Variants in AFAP1L2 observed in about 807,000 individuals in gnomAD.
AFAP1L2 encodes the protein actin filament associated protein 1 like 2.
Under a neutral mutation model 99.3 loss-of-function variants are expected in AFAP1L2, and 46 were observed. The ratio of observed to expected loss-of-function variants is 0.46; its 90% confidence interval spans 0.37 to 0.59. AFAP1L2 has a LOEUF of 0.59. Among genes scored for constraint, AFAP1L2 ranks in the 20% least tolerant of loss-of-function variants. AFAP1L2 has a pLI of 0.00. For synonymous variants in AFAP1L2, 397 were observed against 419.1 expected (o/e 0.95, Z 0.64); for missense variants, 959 against 1,034.9 (o/e 0.93, Z 1.01).
rs1363919311 is a variant in AFAP1L2, at chr10:114,295,314, GC to G, written c.*727del. 7 of 985,146 alleles carry G rather than the reference GC, an allele frequency of 7.1e-6. No homozygotes were observed. The African/African-American group carries it at 1.0e-4, about 15-fold the overall frequency. 61.0% of individuals were successfully genotyped at this position (985,146 alleles called of 1,614,324 possible). On this transcript the variant is annotated 3_prime_UTR_variant, in exon 19 of 19. Coordinates refer to ENST00000304129, the MANE Select transcript of AFAP1L2 (RefSeq NM_001001936.3). Reference sequence around the variant, plus strand: ...ACTGTTCTAAATGACAGGATTTTAAGCATTTTTTCCTATATATAATACAGCA... The same window carrying G: ...ACTGTTCTAAATGACAGGATTTTAAGATTTTTTCCTATATATAATACAGCA...
rs34854872 is a variant in AFAP1L2, at chr10:114,368,767, AACACACACACACACACAC to A, written c.17-28054_17-28037del. On this transcript the variant is annotated intron_variant, in intron 1 of 18. Transcript: ENST00000304129. ...AAACATGGATCTTAAGTGTCCTTAC[AACACACACACACACACAC>A]ACACACACACACACACACACACACA... Among the ~76,000 whole-genome samples, 1,106 of 140,740 alleles carry A rather than the reference AACACACACACACACACAC, an allele frequency of 7.9e-3. 10 individuals carry two copies. The highest frequency in any genetic ancestry group is 0.011 in the Non-Finnish European group (707 of 64,868). The allele number at this position is 140,740 out of a possible 152,430, so 92.3% of individuals were successfully genotyped here. A position where few individuals can be genotyped will look rare whatever the true frequency, so the allele number is the denominator to read the frequency against.
intron 5 of AFAP1L2, among the ~76,000 whole-genome samples, chr10:114,317,769 G>C (rs577038659): frequency 1.3e-5 from 2 of 152,318 alleles, no homozygotes; most frequent in South Asian, 4.1e-4. Flanking sequence ...TGAGGTGGGA[G>C]GATGGCTTGA....
chr10:114,296,860 C>T lies in AFAP1L2; in HGVS notation c.2430+118G>A, dbSNP rs189054289. On this transcript the variant is annotated intron_variant, in intron 18 of 18. Coordinates refer to ENST00000304129, the MANE Select transcript of AFAP1L2 (RefSeq NM_001001936.3). The stretch of plus-strand genomic sequence containing the variant: ...GCCATGGCCACTCCTTGGTGAGTGC[C>T]GAGCCCTTGCTCAGAGCTGGTGCCA... The T allele has an allele frequency of 2.4e-4, 368 of 1,549,112 alleles. 5 individuals carry two copies. In the South Asian group the frequency reaches 2.8e-3, roughly 12 times the overall value.
At chr10:114,397,115 A>T (rs530052720) in intron 1 of AFAP1L2, among the ~76,000 whole-genome samples, 1 of 115,674 alleles carries the variant, frequency 8.6e-6, no homozygotes, top group African/African-American at 3.5e-5. Context: ...AGGTTAATTT[A>T]CACACAGAAA....
chr10:114,340,711 C>T lies in AFAP1L2; in HGVS notation c.37G>A (p.Glu13Lys), dbSNP rs201870637. ...RYKALEQLLT[E>K]LDDFLKILDQ... is the part of the protein sequence containing the mutation. Reference sequence around the variant, plus strand: ...AGAATCTTGAGGAAGTCATCCAACTCTGTCAGCAGCTGTTCCAGGGCTAGG... The same window carrying T: ...AGAATCTTGAGGAAGTCATCCAACTTTGTCAGCAGCTGTTCCAGGGCTAGG... The change falls in exon 2 of 19, where the codon GAG (glutamate) becomes AAG (lysine). Residue 13 changes from glutamate to lysine, a missense_variant. Physicochemically the swap from Glu to Lys is moderately conservative, Grantham distance 56. Coordinates refer to ENST00000304129, the MANE Select transcript of AFAP1L2 (RefSeq NM_001001936.3). 1 of 1,614,250 alleles carries T rather than the reference C, an allele frequency of 6.2e-7. No homozygotes were observed. Among genetic ancestry groups the T allele is most frequent in the Admixed American group, 1.7e-5 (1 of 60,034 alleles).
chr10:114,376,860 G>C (rs2054872889), intron 1 of AFAP1L2, among the ~76,000 whole-genome samples: 1 of 152,148 alleles, frequency 6.6e-6, no homozygotes, highest in African/African-American at 2.4e-5. Flanking sequence ...AACAGAATCA[G>C]CTAGAGACTG....
intron 1 of AFAP1L2, among the ~76,000 whole-genome samples, chr10:114,401,294 A>G (rs1002879956): frequency 6.6e-6 from 1 of 152,232 alleles, no homozygotes; most frequent in African/African-American, 2.4e-5. Context: ...ATCCACAGAT[A>G]GTAGGTCAGT....
At chr10:114,357,547 T>C (rs1173734815) in intron 1 of AFAP1L2, among the ~76,000 whole-genome samples, 5 of 152,206 alleles carry the variant, frequency 3.3e-5, no homozygotes, top group African/African-American at 1.2e-4. Flanking sequence ...CCATGTTGGA[T>C]ATGCAATATG....
intron 1 of AFAP1L2, among the ~76,000 whole-genome samples, chr10:114,346,458 G>A (rs1431703835): frequency 3.3e-5 from 5 of 152,188 alleles, no homozygotes; most frequent in Non-Finnish European, 7.3e-5. Flanking sequence ...ACACCCTTTC[G>A]GGATCCAGCC....
chr10:114,335,427 A>G (rs1476754500), intron 2 of AFAP1L2, among the ~76,000 whole-genome samples: 1 of 152,116 alleles, frequency 6.6e-6, no homozygotes. Context: ...CCTGGCTAAC[A>G]TGGTGAAACC....
intron 1 of AFAP1L2, 44 bp downstream of exon 1, chr10:114,404,396 G>A: frequency 6.5e-7 from 1 of 1,529,648 alleles, no homozygotes; most frequent in African/African-American, 1.4e-5. Flanking sequence ...GTCGCTGGGC[G>A]AAAGGGAGTG....
chr10:114,302,339 AAG>A lies in AFAP1L2; in HGVS notation c.1428_1429del (p.Leu477ThrfsTer18). The A allele has an allele frequency of 1.2e-6, 2 of 1,614,126 alleles. No homozygotes were observed. The highest frequency in any genetic ancestry group is 1.7e-6 in the Non-Finnish European group (2 of 1,180,018). On this transcript the variant is annotated frameshift_variant and splice_region_variant, in exon 12 of 19. Coordinates refer to ENST00000304129, the MANE Select transcript of AFAP1L2 (RefSeq NM_001001936.3). LOFTEE classifies it high-confidence loss of function. ...CGGAGGAAGGGTCCAAATTACTCACAAGAGAGAGTTTTTGGCCGCACTCACAA... is the reference window on the plus strand; with the variant it reads ...CGGAGGAAGGGTCCAAATTACTCACAAGAGAGTTTTTGGCCGCACTCACAA...
intron 1 of AFAP1L2, among the ~76,000 whole-genome samples, chr10:114,400,145 A>C (rs2058096282): frequency 6.6e-6 from 1 of 152,258 alleles, no homozygotes; most frequent in Non-Finnish European, 1.5e-5. Context: ...TCTGAATGAC[A>C]GAAGCCTTTA....
chr10:114,361,687 G>A (rs928354972), intron 1 of AFAP1L2, among the ~76,000 whole-genome samples: 4 of 152,142 alleles, frequency 2.6e-5, no homozygotes, highest in East Asian at 1.9e-4. Flanking sequence ...CAGCTACATC[G>A]TTGTGCTTCC....
At position 114,377,632 on chromosome 10, in the gene AFAP1L2, G is replaced by A. The variant is rs536702602; in HGVS notation, c.16+26808C>T. Among the ~76,000 whole-genome samples the A allele has an allele frequency of 2.6e-5, 4 of 152,320 alleles. No individual in the cohort carries two copies. Among genetic ancestry groups the A allele is most frequent in the African/African-American group, 9.6e-5 (4 of 41,568 alleles). ...ATAGAGTGGTTATTCGATTTCCCCA[G>A]TGTGATGATGGGGTTTATTTAATAA... On this transcript the variant is annotated intron_variant, in intron 1 of 18. Coordinates refer to ENST00000304129, the MANE Select transcript of AFAP1L2 (RefSeq NM_001001936.3). This position sits in a 1 kb window ranked among gnomAD's most constrained non-coding sequence, Gnocchi z 4.0.
chr10:114,398,875 T>C (rs751688404), intron 1 of AFAP1L2: 1 of 1,304,284 alleles, frequency 7.7e-7, no homozygotes, highest in Non-Finnish European at 1.0e-6. Flanking sequence ...CGGATCCTTC[T>C]CTGTACCACC....
intron 1 of AFAP1L2, among the ~76,000 whole-genome samples, chr10:114,352,899 T>G (rs992247419): frequency 2.6e-5 from 4 of 152,232 alleles, no homozygotes; most frequent in Admixed American, 6.5e-5. Flanking sequence ...AATCCATGAC[T>G]GTGTACAGTG....
chr10:114,325,227 G>A (rs1170066303), intron 4 of AFAP1L2, among the ~76,000 whole-genome samples: 3 of 152,184 alleles, frequency 2.0e-5, no homozygotes, highest in Admixed American at 6.5e-5. Flanking sequence ...GAGACAAAAC[G>A]TGATAGTGTT....
chr10:114,362,164 T>A (rs572159532), intron 1 of AFAP1L2, among the ~76,000 whole-genome samples: 2 of 152,258 alleles, frequency 1.3e-5, no homozygotes, highest in African/African-American at 4.8e-5. Context: ...AAGGTTGGTA[T>A]GGGAATTAAA....
Sources: gnomAD v4.1 joint callset for allele counts (sites outside exome capture counted in the v4.1 genomes callset) on GRCh38, gnomAD v4.1.1 for gene constraint, Gnocchi (gnomAD v3.1) non-coding constraint, MANE v1.5 for transcripts, NCBI Gene and HGNC (gene_info 2026-07-23, HGNC 2026-07-21) for gene names.